The following TSC1 variants were observed in gnomAD, a reference collection of about 807,000 sequenced individuals.
TSC1 encodes the protein hamartin.
TSC1 carries 20 observed loss-of-function variants against 124.3 expected under a neutral mutation model. That is an observed-to-expected ratio of 0.16 (90% CI 0.11 to 0.23). The LOEUF is 0.23. TSC1 is among the 10% of genes least tolerant of loss of function. TSC1 has a pLI of 1.00. For missense variants in TSC1, 1,124 were observed against 1,448.5 expected (o/e 0.78, Z 3.64); for synonymous variants, 493 against 539.1 (o/e 0.91, Z 1.19).
At position 132,903,789 on chromosome 9, in the gene TSC1, G is replaced by A. The variant is rs780223819; in HGVS notation, c.2070C>T (p.Thr690=). Residue 690 remains threonine (T), a synonymous_variant, in exon 17 of 23, where the codon ACC becomes ACT. Coordinates refer to ENST00000298552, the MANE Select transcript of TSC1 (RefSeq NM_000368.5). The surrounding 1 kb of genome is among the most constrained non-coding windows in gnomAD (Gnocchi z 5.9). ...GGSPPSDEIR[T]LRDQLLLLHN... is the part of the protein sequence containing the mutation. ...GCAGTAAAAGCAACTGGTCTCGGAGGGTGCGGATCTCATCTGAAGGAGGAG... is the reference window on the plus strand; with the variant it reads ...GCAGTAAAAGCAACTGGTCTCGGAGAGTGCGGATCTCATCTGAAGGAGGAG... 6.2e-7 allele frequency: 1 copy of A among 1,613,986 alleles called. No individual in the cohort carries two copies. Among genetic ancestry groups the A allele is most frequent in the Non-Finnish European group, 8.5e-7 (1 of 1,180,036 alleles).
chr9:132,897,424 T>C lies in TSC1; in HGVS notation c.2812A>G (p.Arg938Gly). 6.2e-7 allele frequency: 1 copy of C among 1,614,210 alleles called. No homozygotes were observed. Among genetic ancestry groups the C allele is most frequent in the Non-Finnish European group, 8.5e-7 (1 of 1,180,030 alleles). Residue 938 changes from arginine (R) to glycine (G), a missense_variant and splice_region_variant, in exon 21 of 23, where the codon AGA becomes GGA. Transcript: ENST00000298552. Reference protein sequence around the residue: ...KYLEDVKLQARGQLQAAESRY... With the variant: ...KYLEDVKLQAGGQLQAAESRY... ...AAAGCCTTTCCTGATGAAAGTTACC[T>C]TGCCTGGAGTTTGACATCCTCTAGA...
chr9:132,930,121 C>T (rs1847125164), intron 2 of TSC1, among the ~76,000 whole-genome samples: 1 of 152,150 alleles, frequency 6.6e-6, no homozygotes, highest in African/African-American at 2.4e-5. Flanking sequence ...ATCGAAACCA[C>T]CTGGGATACT....
intron 20 of TSC1, 125 bp from the exon 21 acceptor site, chr9:132,897,735 T>C (rs1845165485): frequency 6.2e-6 from 8 of 1,284,728 alleles, no homozygotes; most frequent in South Asian, 1.4e-5. Context: ...AACAGAAATA[T>C]AAACTAGTAC....
rs764092696 is a variant in TSC1 at position 132,923,333 on chromosome 9, T to C, written c.508+15A>G. ...CACCTCACAGGGCCCAACAGGTATA[T>C]GAGGAGATCTGTACCTGGTTTCTTC... On this transcript the variant is annotated intron_variant, in intron 6 of 22. Coordinates refer to ENST00000298552, the MANE Select transcript of TSC1 (RefSeq NM_000368.5). The surrounding 1 kb of genome is among the most constrained non-coding windows in gnomAD (Gnocchi z 4.2). The C allele has an allele frequency of 6.2e-7, 1 of 1,613,974 alleles. No individual in the cohort carries two copies. Among genetic ancestry groups the C allele is most frequent in the Non-Finnish European group, 8.5e-7 (1 of 1,179,920 alleles).
chr9:132,907,142 AGGTT>A (rs1293312841), intron 13 of TSC1, among the ~76,000 whole-genome samples, 155 bp downstream of exon 13: 3 of 152,244 alleles, frequency 2.0e-5, no homozygotes, highest in African/African-American at 7.2e-5. Context: ...TGATATTATT[AGGTT>A]GGTGTTTAGA....
At chr9:132,913,858 T>C (rs1008100994) in intron 8 of TSC1, among the ~76,000 whole-genome samples, 5 of 143,556 alleles carry the variant, frequency 3.5e-5, no homozygotes, top group African/African-American at 1.0e-4. Context: ...TGAGCCAATG[T>C]GCCAGCCTCC....
intron 8 of TSC1, among the ~76,000 whole-genome samples, chr9:132,916,943 C>CCAA (rs1846295963): frequency 6.6e-6 from 1 of 152,224 alleles, no homozygotes; most frequent in Non-Finnish European, 1.5e-5. Flanking sequence ...TGGTGGAATA[C>CCAA]ATGCTCCAGT....
chr9:132,928,652 G>T, intron 3 of TSC1, 115 bp downstream of exon 3: 1 of 1,355,906 alleles, frequency 7.4e-7, no homozygotes, highest in Non-Finnish European at 1.0e-6. Context: ...CTCTTTGGGT[G>T]TTTAAAAAAC....
chr9:132,897,319 C>G lies in TSC1; in HGVS notation c.2840G>C (p.Arg947Thr). 1.2e-6 allele frequency: 2 copies of G among 1,614,182 alleles called. No homozygotes were observed. The highest frequency in any genetic ancestry group is 1.1e-5 in the South Asian group (1 of 91,088). Residue 947 changes from arginine (R) to threonine (T), a missense_variant, in exon 22 of 23, where the codon AGG (arginine) becomes ACG (threonine). Arg to Thr is a moderately conservative substitution (Grantham distance 71, BLOSUM62 -1). Coordinates refer to ENST00000298552, the MANE Select transcript of TSC1 (RefSeq NM_000368.5). ...ARGQLQAAES[R>T]YEAQKRITQV... ...GGTTATCCTTTTCTGAGCCTCATAC[C>G]TGCTCTCTGCGGCCTGCAGCTGTCC... is the stretch of plus-strand genomic sequence containing the variant.
At chr9:132,937,282 G>A (rs902783226) in intron 1 of TSC1, among the ~76,000 whole-genome samples, 1 of 152,068 alleles carries the variant, frequency 6.6e-6, no homozygotes, top group Non-Finnish European at 1.5e-5. Context: ...CATCTCTACT[G>A]AAAATACAAA....
Position 132,903,728 on chromosome 9 carries a change from G to T in TSC1, c.2131C>A (p.Gln711Lys), listed in dbSNP as rs118203647. The stretch of plus-strand genomic sequence containing the variant: ...AGCCGCCTGTTCCGGAGGGCATGCT[G>T]CTGCCTCTTAAAACGCTCATAGAGT... ...QLLYERFKRQ[Q>K]HALRNRRLLR... Residue 711 changes from glutamine to lysine, a missense_variant, in exon 17 of 23, where the codon CAG becomes AAG. Coordinates refer to ENST00000298552, the MANE Select transcript of TSC1 (RefSeq NM_000368.5). The surrounding 1 kb of genome is among the most constrained non-coding windows in gnomAD (Gnocchi z 5.9). 3 of 1,613,432 alleles carry T rather than the reference G, an allele frequency of 1.9e-6. No individual in the cohort carries two copies. The highest frequency in any genetic ancestry group is 2.5e-6 in the Non-Finnish European group (3 of 1,180,022).
rs116518821 is a variant in TSC1 at position 132,902,571 on chromosome 9, C to T, written c.2391+34G>A. On this transcript the variant is annotated intron_variant, in intron 18 of 22. Coordinates refer to ENST00000298552, the MANE Select transcript of TSC1 (RefSeq NM_000368.5). This position sits in a 1 kb window ranked among gnomAD's most constrained non-coding sequence, Gnocchi z 5.2. ...CCTCCCCACTGCTCTCCGGCATTCT[C>T]GCAGTTGGCTTTGCCTGGTGCTGCA... is the stretch of plus-strand genomic sequence containing the variant. 4,755 of 1,612,814 alleles carry T rather than the reference C, an allele frequency of 2.9e-3. 27 individuals carry two copies. The highest frequency in any genetic ancestry group is 0.022 in the African/African-American group (1,684 of 75,022).
chr9:132,910,869 C>T, intron 11 of TSC1, 133 bp downstream of exon 11: 5 of 1,296,236 alleles, frequency 3.9e-6, no homozygotes, highest in Non-Finnish European at 5.5e-6. Context: ...TTCTGAAAGC[C>T]CCAGGGATTT....
chr9:132,938,661 A>G (rs1409220351), intron 1 of TSC1, among the ~76,000 whole-genome samples: 1 of 152,256 alleles, frequency 6.6e-6, no homozygotes, highest in Non-Finnish European at 1.5e-5. Context: ...GACAGCTGTC[A>G]TTAGCAGGAC....
rs149068024 is a variant in TSC1 at position 132,914,442 on chromosome 9, A to G, written c.738-1985T>C. On this transcript the variant is annotated intron_variant, in intron 8 of 22. Transcript: ENST00000298552. ...ATGGTTGCCAGAAGTGGGGGAAGAG[A>G]CACAAAGGAACTTTTGGGATGATGG... Among the ~76,000 whole-genome samples, 272 of 151,894 alleles carry G rather than the reference A, an allele frequency of 1.8e-3. 3 individuals carry two copies. Among genetic ancestry groups the G allele is most frequent in the African/African-American group, 6.4e-3 (265 of 41,482 alleles).
At chr9:132,938,599 C>T (rs1196501659) in intron 1 of TSC1, among the ~76,000 whole-genome samples, 2 of 152,146 alleles carry the variant, frequency 1.3e-5, no homozygotes, top group African/African-American at 2.4e-5. Flanking sequence ...TGTTTACAGA[C>T]GGATGGCTTA....
rs765426191 is a variant in TSC1 at position 132,921,327 on chromosome 9, A to G, written c.737+36T>C. 9 of 1,605,730 alleles carry G rather than the reference A, an allele frequency of 5.6e-6. No individual in the cohort carries two copies. The highest frequency in any genetic ancestry group is 7.7e-6 in the Non-Finnish European group (9 of 1,172,746). ...CCTAGATCACATTTTCAATCTCTCG[A>G]AAGATTCTTTAAAATTTTGACACTA... On this transcript the variant is annotated intron_variant, in intron 8 of 22. Transcript: ENST00000298552. This position sits in a 1 kb window ranked among gnomAD's most constrained non-coding sequence, Gnocchi z 4.3.
intron 1 of TSC1, among the ~76,000 whole-genome samples, chr9:132,943,040 C>T (rs574115061): frequency 3.9e-5 from 6 of 152,286 alleles, no homozygotes; most frequent in South Asian, 2.1e-4. Context: ...AAATCAAAGG[C>T]TCCCCAAAGA....
At position 132,907,813 on chromosome 9, in the gene TSC1, G is replaced by A. The variant is rs188961557; in HGVS notation, c.1264-443C>T. On this transcript the variant is annotated intron_variant, in intron 12 of 22. Transcript: ENST00000298552. ...CTTAAAAAATGGCTGCAGACTGGGC[G>A]TGGTGGCCCACGCCTGTAGTCCCAG... Among the ~76,000 whole-genome samples, 21 of 152,342 alleles carry A rather than the reference G, an allele frequency of 1.4e-4. No homozygotes were observed. In the East Asian group the frequency reaches 3.5e-3, roughly 25 times the overall value.
Sources: allele counts gnomAD v4.1 joint callset (sites outside exome capture counted in the v4.1 genomes callset), GRCh38; gene constraint gnomAD v4.1.1; non-coding constraint Gnocchi (gnomAD v3.1); transcripts MANE v1.5; gene names NCBI Gene and HGNC (gene_info 2026-07-23, HGNC 2026-07-21).